SLC17A6: variants seen among roughly 807,000 people sequenced by gnomAD.
SLC17A6 encodes vesicular glutamate transporter 2.
In SLC17A6, 35 loss-of-function variants were observed where a neutral mutation model predicts 67.1. The ratio of observed to expected loss-of-function variants is 0.52; its 90% CI spans 0.40 to 0.69. SLC17A6 has a LOEUF of 0.69. Ranked by LOEUF, SLC17A6 falls within the 30% of genes least tolerant of loss-of-function variation. The pLI is 0.00. For synonymous variants in SLC17A6, 285 were observed against 252.3 expected (o/e 1.13, Z -1.23); for missense variants, 588 against 723.9 (o/e 0.81, Z 2.15).
At chr11:22,352,156 A>T (rs1017617210) in intron 3 of SLC17A6, among the ~76,000 whole-genome samples, 2 of 147,496 alleles carry the variant, frequency 1.4e-5, no homozygotes, top group African/African-American at 2.5e-5. Context: ...GCTGATGAGG[A>T]TCTAGTGATG....
At chr11:22,341,480 G>T in intron 1 of SLC17A6, 48 bp from the exon 2 acceptor site, 2 of 1,595,014 alleles carry the variant, frequency 1.3e-6, no homozygotes, top group Non-Finnish European at 8.5e-7. Context: ...CAGCATCGGG[G>T]GTACCTAAGC....
rs1855838457 is a variant in SLC17A6, at chr11:22,343,165, T to G, written c.340-82T>G. 11 of 1,173,158 alleles carry G rather than the reference T, an allele frequency of 9.4e-6. 1 individual carries two copies. In the South Asian group the frequency reaches 1.4e-4, roughly 15 times the overall value. The allele number at this position is 1,173,158 out of a possible 1,614,324, so 72.7% of individuals were successfully genotyped here. A position where few individuals can be genotyped will look rare whatever the true frequency, so the allele number is the denominator to read the frequency against. On this transcript the variant is annotated intron_variant, in intron 2 of 11. Coordinates refer to ENST00000263160, the MANE Select transcript of SLC17A6 (RefSeq NM_020346.3). The stretch of plus-strand genomic sequence containing the variant: ...TGAAGCGCCCAAGCCTTGGGGGCTT[T>G]TTGGCTTGTGAACCACTGAAAGTGA...
intron 3 of SLC17A6, among the ~76,000 whole-genome samples, chr11:22,354,453 A>G (rs1381525214): frequency 6.6e-6 from 1 of 152,136 alleles, no homozygotes; most frequent in Non-Finnish European, 1.5e-5. Context: ...TGAAACTTAT[A>G]CTTCGTTTAA....
intron 1 of SLC17A6, among the ~76,000 whole-genome samples, chr11:22,339,588 C>G (rs1345616001): frequency 6.6e-6 from 1 of 151,866 alleles, no homozygotes; most frequent in African/African-American, 2.4e-5. Context: ...ATAATTAGAG[C>G]AAAATCAAGA....
intron 2 of SLC17A6, among the ~76,000 whole-genome samples, chr11:22,342,566 T>G (rs898523229): frequency 1.3e-5 from 2 of 152,108 alleles, no homozygotes; most frequent in Non-Finnish European, 2.9e-5. Flanking sequence ...CAGTTTACCT[T>G]GAGGTTCCCC....
In SLC17A6 at chr11:22,372,465, A is replaced by T. The variant is rs184178552; in HGVS notation, c.1041+2277A>T. 4.2e-4 allele frequency among the ~76,000 whole-genome samples: 64 copies of T among 151,938 alleles called. 1 individual carries two copies. The East Asian group carries it at 0.01, about 25-fold the overall frequency. ...ACATATTCAGGCCCTTGAAAATGGC[A>T]TATCAGCGGGTCAGTGCTAGGATTA... On this transcript the variant is annotated intron_variant, in intron 8 of 11. Transcript: ENST00000263160.
chr11:22,364,153 C>G (rs1274170094), intron 6 of SLC17A6, among the ~76,000 whole-genome samples: 1 of 152,050 alleles, frequency 6.6e-6, no homozygotes, highest in Admixed American at 6.6e-5. Context: ...GGTCTGGAGT[C>G]ACACATTCAG....
In SLC17A6 at chr11:22,343,553, C is replaced by G. The variant is rs138842471; in HGVS notation, c.458+188C>G. Among the ~76,000 whole-genome samples, 317 of 152,262 alleles carry G rather than the reference C, an allele frequency of 2.1e-3. 1 individual carries two copies. The highest frequency in any genetic ancestry group is 7.1e-3 in the African/African-American group (297 of 41,550). On this transcript the variant is annotated intron_variant, in intron 3 of 11. Coordinates refer to ENST00000263160, the MANE Select transcript of SLC17A6 (RefSeq NM_020346.3). The stretch of plus-strand genomic sequence containing the variant: ...CTCCTTCCTGAATTAGTCGCCTAAA[C>G]GAATGTAGGCTCTCTGGGACCAGCG...
intron 7 of SLC17A6, among the ~76,000 whole-genome samples, chr11:22,367,005 G>GGA (rs1554945271): frequency 8.9e-5 from 7 of 78,852 alleles, no homozygotes; most frequent in Admixed American, 5.1e-4. Context: ...ACTCCGTCTC[G>GGA]AAAAAAAAAA....
Position 22,351,179 on chromosome 11 carries a change from A to T in SLC17A6, c.458+7814A>T, listed in dbSNP as rs184660731. On this transcript the variant is annotated intron_variant, in intron 3 of 11. Coordinates refer to ENST00000263160, the MANE Select transcript of SLC17A6 (RefSeq NM_020346.3). Reference sequence around the variant, plus strand: ...ATCAAATAATAAGTATATATATCACAAAATTCGTAATGTACATTATCTTTA... The same window carrying T: ...ATCAAATAATAAGTATATATATCACTAAATTCGTAATGTACATTATCTTTA... Among the ~76,000 whole-genome samples, 9 of 152,268 alleles carry T rather than the reference A, an allele frequency of 5.9e-5. No individual in the cohort carries two copies. The East Asian group carries it at 1.7e-3, about 29-fold the overall frequency.
At chr11:22,363,069 A>G (rs140312231) in intron 6 of SLC17A6, among the ~76,000 whole-genome samples, 40 of 152,332 alleles carry the variant, frequency 2.6e-4, no homozygotes, top group African/African-American at 9.6e-4. Context: ...TTTGTCATTT[A>G]GTAAATCTAT....
chr11:22,370,063 T>A lies in SLC17A6; in HGVS notation c.916T>A (p.Phe306Ile), dbSNP rs1242646469. Reference protein sequence around the residue: ...MEKFKTPWRKFFTSMPVYAII... With the variant: ...MEKFKTPWRKIFTSMPVYAII... ...GAAATTCAAGACTCCATGGAGGAAG[T>A]TTTTTACATCCATGCCAGTCTATGC... Residue 306 changes from phenylalanine (F) to isoleucine (I), a missense_variant, in exon 8 of 12, where the codon TTT becomes ATT. Around this residue, in one of 4 missense-constraint regions of SLC17A6, gnomAD observed 414 missense variants for 563.4 expected, o/e 0.73. Coordinates refer to ENST00000263160, the MANE Select transcript of SLC17A6 (RefSeq NM_020346.3). The A allele has an allele frequency of 1.2e-6, 2 of 1,608,680 alleles. No individual in the cohort carries two copies. The highest frequency in any genetic ancestry group is 1.7e-5 in the Admixed American group (1 of 59,002).
intron 7 of SLC17A6, among the ~76,000 whole-genome samples, chr11:22,367,077 G>A (rs1356558800): frequency 6.6e-6 from 1 of 151,320 alleles, no homozygotes; most frequent in Non-Finnish European, 1.5e-5. Context: ...GAGGCATTAG[G>A]CGATCTGATC....
rs760965326 is a variant in SLC17A6, at chr11:22,377,492, G to C, written c.1501G>C (p.Glu501Gln). The C allele has an allele frequency of 6.2e-7, 1 of 1,614,114 alleles. No homozygotes were observed. The highest frequency in any genetic ancestry group is 8.5e-7 in the Non-Finnish European group (1 of 1,180,000). ...ATTTTATGCAATATTTGCCTCAGGA[G>C]AGAAACAACCCTGGGCAGACCCGGA... Reference protein sequence around the residue: ...VIFYAIFASGEKQPWADPEET... With the variant: ...VIFYAIFASGQKQPWADPEET... Residue 501 changes from glutamate (E) to glutamine (Q), a missense_variant, in exon 12 of 12, where the codon GAG (glutamate) becomes CAG (glutamine). Physicochemically the swap from Glu to Gln is conservative, Grantham distance 29. Around this residue, in one of 4 missense-constraint regions of SLC17A6, gnomAD observed 414 missense variants for 563.4 expected, o/e 0.73. Transcript: ENST00000263160.
At chr11:22,354,792 C>A (rs563371286) in intron 3 of SLC17A6, among the ~76,000 whole-genome samples, 8 of 152,230 alleles carry the variant, frequency 5.3e-5, no homozygotes, top group African/African-American at 1.7e-4. Context: ...ATGGTTACAC[C>A]GTCTGTGAAG....
chr11:22,355,955 G>A (rs1037638485), intron 3 of SLC17A6, among the ~76,000 whole-genome samples: 7 of 152,096 alleles, frequency 4.6e-5, no homozygotes, highest in Admixed American at 3.9e-4. Flanking sequence ...TGGACTACTG[G>A]TCTCTCCCTC....
At chr11:22,354,709 A>G (rs918074071) in intron 3 of SLC17A6, among the ~76,000 whole-genome samples, 2 of 152,226 alleles carry the variant, frequency 1.3e-5, no homozygotes, top group African/African-American at 2.4e-5. Flanking sequence ...TCTACAACAG[A>G]TAAGTAATGT....
At chr11:22,348,596 G>C (rs1855903833) in intron 3 of SLC17A6, among the ~76,000 whole-genome samples, 1 of 152,196 alleles carries the variant, frequency 6.6e-6, no homozygotes, top group Non-Finnish European at 1.5e-5. Context: ...TAAAATTGCA[G>C]AGATTTGAAC....
chr11:22,370,252 C>T (rs1856160822), intron 8 of SLC17A6, 64 bp downstream of exon 8: 2 of 1,380,134 alleles, frequency 1.4e-6, no homozygotes, highest in Non-Finnish European at 2.0e-6. Flanking sequence ...ATACTAAATT[C>T]ATTTGCAAAA....
Sources: gnomAD v4.1 joint callset for allele counts (sites outside exome capture counted in the v4.1 genomes callset) on GRCh38, gnomAD v4.1.1 for gene constraint, gnomAD v4.1.1 regional missense constraint, MANE v1.5 for transcripts, NCBI Gene and HGNC (gene_info 2026-07-23, HGNC 2026-07-21) for gene names.